The following INCENP variants were observed in gnomAD, a reference collection of about 807,000 sequenced individuals.
The protein encoded by INCENP is binds and activates aurora-B and -C in vivo and in vitro.
Under a neutral mutation model 107.3 loss-of-function variants are expected in INCENP, and 43 were observed. The observed-to-expected ratio is 0.40, with a 90% CI of 0.31 to 0.52. The LOEUF (loss-of-function observed/expected upper bound fraction) is 0.52, where lower values mean the gene tolerates loss of function less well. Ranked by LOEUF, INCENP falls within the 20% of genes least tolerant of loss-of-function variation. The probability of loss-of-function intolerance (pLI) is 0.53; values close to 1 mark genes in which losing one functional copy is unlikely to be tolerated. For missense variants in INCENP, 1,089 were observed against 1,250.9 expected, an observed-to-expected ratio of 0.87 and a Z score of 1.95; for synonymous variants, 488 against 494.4, an observed-to-expected ratio of 0.99 and a Z score of 0.17.
At chr11:62,124,274 C>A (rs1362212256) in intron 1 of INCENP, 111 bp downstream of exon 1, 1 of 152,340 alleles carries the variant, frequency 6.6e-6, no homozygotes, top group East Asian at 1.9e-4. Context: ...ACCCCAGCCC[C>A]TGGCTACCTG....
At chr11:62,141,841 G>A (rs2134657849) in intron 11 of INCENP, 3 of 473,918 alleles carry the variant, frequency 6.3e-6, no homozygotes, top group Non-Finnish European at 1.2e-5. Flanking sequence ...GTCAGGGTCT[G>A]TGGGTCTTTG....
intron 4 of INCENP, among the ~76,000 whole-genome samples, chr11:62,135,360 C>T (rs560437633): frequency 1.3e-5 from 2 of 152,098 alleles, no homozygotes; most frequent in Admixed American, 6.5e-5. Flanking sequence ...CTCTGCCTCC[C>T]GGTTCAAGTG....
At chr11:62,139,604 G>A (rs1447602186) in intron 7 of INCENP, among the ~76,000 whole-genome samples, 1 of 152,206 alleles carries the variant, frequency 6.6e-6, no homozygotes. Flanking sequence ...GCTGCTGTGA[G>A]GAACTTTTGG....
intron 5 of INCENP, among the ~76,000 whole-genome samples, chr11:62,138,201 C>A (rs1316284905): frequency 1.3e-5 from 2 of 152,180 alleles, no homozygotes; most frequent in Admixed American, 1.3e-4. Flanking sequence ...GATAGGAGTG[C>A]TCCAGGATTA....
rs1029986673 is a variant in INCENP at position 62,128,408 on chromosome 11, A to G, written c.140+107A>G. On this transcript the variant is annotated intron_variant, in intron 2 of 18. Coordinates refer to ENST00000394818, the MANE Select transcript of INCENP (RefSeq NM_001040694.2). ...TCCCCGCCTACCTGGCAAAACAGAC[A>G]GCCTGTCAGGGCTCCCTGCTGTATA... 11 of 1,262,898 alleles carry G rather than the reference A, an allele frequency of 8.7e-6. No individual in the cohort carries two copies. The African/African-American group carries it at 1.6e-4, about 19-fold the overall frequency. 78.2% of individuals were successfully genotyped at this position (1,262,898 alleles called of 1,614,324 possible).
intron 7 of INCENP, among the ~76,000 whole-genome samples, chr11:62,139,614 G>C (rs1014740732): frequency 5.9e-5 from 9 of 152,186 alleles, no homozygotes; most frequent in Non-Finnish European, 1.0e-4. Flanking sequence ...GGAACTTTTG[G>C]AGTAAGGTGC....
intron 11 of INCENP, among the ~76,000 whole-genome samples, chr11:62,142,860 A>C (rs950969756): frequency 7.2e-5 from 11 of 152,230 alleles, no homozygotes; most frequent in Non-Finnish European, 1.5e-5. Flanking sequence ...TAGCATCTGC[A>C]GCTTAGAGCT....
In INCENP at chr11:62,145,413, G is replaced by T. The variant is rs76116867; in HGVS notation, c.1836+124G>T. 1.5e-3 allele frequency: 2,130 copies of T among 1,438,054 alleles called. 30 individuals carry two copies. The African/African-American group carries it at 0.024, about 17-fold the overall frequency. The allele number at this position is 1,438,054 out of a possible 1,614,324, so 89.1% of individuals were successfully genotyped here. A position where few individuals can be genotyped will look rare whatever the true frequency, so the allele number is the denominator to read the frequency against. On this transcript the variant is annotated intron_variant, in intron 13 of 18. Coordinates refer to ENST00000394818, the MANE Select transcript of INCENP (RefSeq NM_001040694.2). The stretch of plus-strand genomic sequence containing the variant: ...GTACCCATCTCCTGTCTGCCCCATG[G>T]GCCCTGGAGTCCACTCAGCTCTGGG...
intron 15 of INCENP, among the ~76,000 whole-genome samples, chr11:62,147,585 A>G (rs1488337464): frequency 2.6e-5 from 4 of 152,208 alleles, no homozygotes; most frequent in Non-Finnish European, 1.5e-5. Context: ...GTAGAGCACA[A>G]GGCCCGTGTG....
At chr11:62,146,569 G>A in intron 14 of INCENP, 89 bp from the exon 15 acceptor site, 1 of 1,513,254 alleles carries the variant, frequency 6.6e-7, no homozygotes, top group Non-Finnish European at 8.9e-7. Flanking sequence ...CTGATATGAG[G>A]GGCACCTGGG....
intron 17 of INCENP, among the ~76,000 whole-genome samples, chr11:62,149,384 A>T (rs1162305137): frequency 6.6e-6 from 1 of 152,096 alleles, no homozygotes; most frequent in Non-Finnish European, 1.5e-5. Flanking sequence ...TGAGCATTTG[A>T]TCTATTTTCA....
chr11:62,149,691 G>T (rs1944331932), intron 17 of INCENP, among the ~76,000 whole-genome samples: 1 of 152,080 alleles, frequency 6.6e-6, no homozygotes, highest in Non-Finnish European at 1.5e-5. Context: ...GGAGGCCAAG[G>T]GGACAGATTA....
In INCENP at chr11:62,128,131, CT is replaced by C; in HGVS notation, c.-11-18del. The C allele has an allele frequency of 6.2e-7, 1 of 1,613,584 alleles. No individual in the cohort carries two copies. The highest frequency in any genetic ancestry group is 1.1e-5 in the South Asian group (1 of 91,056). ...TACCCTGGGCCCCTAACTTGTGCCT[CT>C]TGTCCCTGCCTTCACCAGACAGAGC... On this transcript the variant is annotated intron_variant, in intron 1 of 18. Transcript: ENST00000394818.
chr11:62,128,835 G>A lies in INCENP; in HGVS notation c.206G>A (p.Arg69Lys). The A allele has an allele frequency of 6.2e-7, 1 of 1,614,144 alleles. No individual in the cohort carries two copies. Among genetic ancestry groups the A allele is most frequent in the Non-Finnish European group, 8.5e-7 (1 of 1,179,978 alleles). The change falls in exon 3 of 19, where the codon AGA (arginine) becomes AAA (lysine). Residue 69 changes from arginine to lysine, a missense_variant. By Grantham distance (26) the Arg-to-Lys change is conservative (BLOSUM62 2). Transcript: ENST00000394818. Reference sequence around the variant, plus strand: ...TCTCAGAAGAACCGACGGAAGAAGAGACGGATTTCTTATGTTCAGGATGAA... The same window carrying A: ...TCTCAGAAGAACCGACGGAAGAAGAAACGGATTTCTTATGTTCAGGATGAA... ...TPSQKNRRKK[R>K]RISYVQDENR...
intron 3 of INCENP, among the ~76,000 whole-genome samples, chr11:62,129,469 C>T (rs1015398148): frequency 7.2e-5 from 11 of 152,128 alleles, no homozygotes; most frequent in African/African-American, 2.2e-4. Context: ...TAAGGCAGAG[C>T]GTGTGTAAGG....
At chr11:62,134,650 A>C (rs542594741) in intron 4 of INCENP, among the ~76,000 whole-genome samples, 35 of 152,328 alleles carry the variant, frequency 2.3e-4, no homozygotes, top group South Asian at 1.2e-3. Context: ...AAATGTACTG[A>C]AGACACTGGC....
chr11:62,130,338 G>A lies in INCENP; in HGVS notation c.811G>A (p.Ala271Thr). ...CTCCCCTGGCCCACGGGACTCGCCAGCCTTTCCAGATTCTCCATGGCGGGA... is the reference window on the plus strand; with the variant it reads ...CTCCCCTGGCCCACGGGACTCGCCAACCTTTCCAGATTCTCCATGGCGGGA... The part of the protein sequence containing the change: ...QVSPGPRDSP[A>T]FPDSPWRERV... The change falls in exon 4 of 19, where the codon GCC becomes ACC. Residue 271 changes from alanine to threonine, a missense_variant. Ala to Thr is a moderately conservative substitution (Grantham distance 58, BLOSUM62 0). Coordinates refer to ENST00000394818, the MANE Select transcript of INCENP (RefSeq NM_001040694.2). 3 of 1,611,876 alleles carry A rather than the reference G, an allele frequency of 1.9e-6. No individual in the cohort carries two copies. Among genetic ancestry groups the A allele is most frequent in the Non-Finnish European group, 2.5e-6 (3 of 1,179,974 alleles).
chr11:62,129,848 A>G lies in INCENP; in HGVS notation c.321A>G (p.Val107=), dbSNP rs1260149773. The G allele has an allele frequency of 1.2e-6, 2 of 1,613,076 alleles. No homozygotes were observed. Among genetic ancestry groups the G allele is most frequent in the Non-Finnish European group, 8.5e-7 (1 of 1,180,032 alleles). ...GACGCCTCCGCAGCAAGGACAGTGT[A>G]GAGAAGCTGGCTACAGTGGTCGGGG... ...SSRRLRSKDS[V]EKLATVVGEN... The change falls in exon 4 of 19, where the codon GTA becomes GTG. Residue 107 remains valine (V), a synonymous_variant. Transcript: ENST00000394818.
At chr11:62,143,292 C>A (rs1944165625) in intron 11 of INCENP, among the ~76,000 whole-genome samples, 1 of 152,086 alleles carries the variant, frequency 6.6e-6, no homozygotes, top group Non-Finnish European at 1.5e-5. Flanking sequence ...AGAGAACAAA[C>A]AAAAATGGGA....
Sources: gnomAD v4.1 joint callset for allele counts (sites outside exome capture counted in the v4.1 genomes callset) on GRCh38, gnomAD v4.1.1 for gene constraint, MANE v1.5 for transcripts, NCBI Gene and HGNC (gene_info 2026-07-23, HGNC 2026-07-21) for gene names.